The following FRMPD4 variants were observed in gnomAD, a reference collection of about 807,000 sequenced individuals.
The protein encoded by FRMPD4 is FERM and PDZ domain-containing protein 4.
In FRMPD4, 22 loss-of-function variants were observed where a neutral mutation model predicts 94.1. That is an observed-to-expected ratio of 0.23 (90% CI 0.17 to 0.33). The LOEUF is 0.33. Ranked by LOEUF, FRMPD4 falls within the 10% of genes least tolerant of loss-of-function variation. FRMPD4 has a pLI of 1.00. For missense variants in FRMPD4, 1,111 were observed against 1,339.9 expected, an observed-to-expected ratio of 0.83 and a Z score of 2.67; for synonymous variants, 631 against 548.6, an observed-to-expected ratio of 1.15 and a Z score of -2.10.
Position 12,720,984 on chromosome X carries a change from G to T in FRMPD4, c.4415G>T (p.Arg1472Met). The T allele has an allele frequency of 3.9e-6, 3 of 774,420 alleles. No homozygotes were observed. The highest frequency in any genetic ancestry group is 4.6e-6 in the Non-Finnish European group (3 of 650,488). The allele number at this position is 774,420 out of a possible 1,213,427, so 63.8% of individuals were successfully genotyped here. ...HLSSEGRFHK[R>M]SPVAHKDSKL... ...AGCTCTGAGGGGAGGTTTCACAAAA[G>T]GTCCCCAGTGGCTCATAAAGACTCA... The change falls in exon 17 of 17, where the codon AGG becomes ATG. Residue 1472 changes from arginine to methionine, a missense_variant. This residue lies in a region of FRMPD4 where 551 missense variants were observed against 591.6 expected (regional missense o/e 0.93). Transcript: ENST00000675598.
intron 3 of FRMPD4, among the ~76,000 whole-genome samples, chrX:11,983,774 G>C (rs1423286569): frequency 9.0e-6 from 1 of 111,039 alleles, no homozygotes; most frequent in Non-Finnish European, 1.9e-5. Flanking sequence ...AAAGTTCGTG[G>C]AATTAAAAGA....
intron 1 of FRMPD4, among the ~76,000 whole-genome samples, chrX:11,857,937 A>G (rs2053662796): frequency 8.9e-6 from 1 of 112,727 alleles, no homozygotes; most frequent in Admixed American, 9.4e-5. Flanking sequence ...CATGTAGCCA[A>G]CAATCATATG....
At chrX:12,129,247 A>G (rs1425845254) in intron 3 of FRMPD4, among the ~76,000 whole-genome samples, 5 of 111,967 alleles carry the variant, frequency 4.5e-5, no homozygotes, top group African/African-American at 1.6e-4. Context: ...ATTGACTTAC[A>G]ATTCTGCATG....
intron 1 of FRMPD4, among the ~76,000 whole-genome samples, chrX:12,344,241 G>C (rs1431607706): frequency 3.6e-5 from 4 of 111,698 alleles, no homozygotes; most frequent in Admixed American, 9.5e-5. Context: ...ATCAATGTAG[G>C]TCTTCGTTGA....
chrX:12,123,123 C>CTTTTTTTTTTTTTTTTTTT (rs58251577), intron 3 of FRMPD4, among the ~76,000 whole-genome samples: 1 of 84,332 alleles, frequency 1.2e-5, no homozygotes, highest in African/African-American at 4.4e-5. Context: ...ATTTTCTTTT[C>CTTTTTTTTTTTTTTTTTTT]TTTTTTTTTT....
chrX:12,390,810 A>G (rs763450593), intron 1 of FRMPD4, among the ~76,000 whole-genome samples: 6 of 111,864 alleles, frequency 5.4e-5, no homozygotes, highest in Non-Finnish European at 9.4e-5. Flanking sequence ...ATCCTCTCCT[A>G]ATTTTCTTTC....
At chrX:11,988,800 G>T (rs932306055) in intron 3 of FRMPD4, among the ~76,000 whole-genome samples, 1 of 111,941 alleles carries the variant, frequency 8.9e-6, no homozygotes, top group African/African-American at 3.2e-5. Context: ...CAAAAGATCT[G>T]AATAGACATT....
chrX:12,610,234 A>G (rs1481231681), intron 3 of FRMPD4, among the ~76,000 whole-genome samples: 1 of 112,360 alleles, frequency 8.9e-6, no homozygotes, highest in Non-Finnish European at 1.9e-5. Context: ...TGGTTACAGT[A>G]GGATTTAGTC....
At chrX:12,088,318 A>G (rs955693020) in intron 3 of FRMPD4, among the ~76,000 whole-genome samples, 1 of 110,970 alleles carries the variant, frequency 9.0e-6, no homozygotes, top group African/African-American at 3.3e-5. Flanking sequence ...GATCTCTGAG[A>G]CCTCTTTTAT....
intron 1 of FRMPD4, among the ~76,000 whole-genome samples, chrX:12,165,658 G>A (rs1448434040): frequency 5.4e-4 from 60 of 111,500 alleles, no homozygotes; most frequent in South Asian, 1.1e-3. Context: ...CCATTTTCAC[G>A]ATATTGATTC....
chrX:12,324,523 A>G (rs1048397098), intron 1 of FRMPD4, among the ~76,000 whole-genome samples: 3 of 112,314 alleles, frequency 2.7e-5, no homozygotes, highest in Non-Finnish European at 5.6e-5. Flanking sequence ...AATTTTTAAC[A>G]TTATTTTAAT....
Position 12,498,817 on chromosome X carries a change from G to T in FRMPD4, c.158+21G>T, listed in dbSNP as rs751725086. 7 of 824,066 alleles carry T rather than the reference G, an allele frequency of 8.5e-6. No homozygotes were observed. In the South Asian group the frequency reaches 1.6e-4, roughly 19 times the overall value. The allele number at this position is 824,066 out of a possible 1,213,427, so 67.9% of individuals were successfully genotyped here. On this transcript the variant is annotated intron_variant, in intron 2 of 16. Transcript: ENST00000675598. The stretch of plus-strand genomic sequence containing the variant: ...ATCAAGTAGGTTAAACAGATGGCAT[G>T]AACAATAGAATCCTTGGCCAATGGA...
chrX:12,387,019 G>T (rs2056405756), intron 1 of FRMPD4, among the ~76,000 whole-genome samples: 1 of 111,726 alleles, frequency 9.0e-6, no homozygotes. Context: ...ATAAAGAGAA[G>T]CTTTTTTAAA....
intron 4 of FRMPD4, among the ~76,000 whole-genome samples, chrX:12,626,764 C>T (rs1033425974): frequency 2.2e-4 from 23 of 105,518 alleles, no homozygotes; most frequent in African/African-American, 7.0e-4. Flanking sequence ...ATTGGCAAGA[C>T]TATTCAGAGC....
At chrX:12,446,633 G>A (rs1321756487) in intron 1 of FRMPD4, among the ~76,000 whole-genome samples, 1 of 111,580 alleles carries the variant, frequency 9.0e-6, no homozygotes, top group Non-Finnish European at 1.9e-5. Flanking sequence ...GTTTTATAAG[G>A]GGGAACGCCT....
At chrX:12,268,088 A>G (rs2054301097) in intron 1 of FRMPD4, among the ~76,000 whole-genome samples, 1 of 112,147 alleles carries the variant, frequency 8.9e-6, no homozygotes, top group Non-Finnish European at 1.9e-5. Flanking sequence ...TGATAGATCC[A>G]CCCTCCTCTA....
chrX:12,339,200 A>G (rs182717211), intron 1 of FRMPD4, among the ~76,000 whole-genome samples: 38 of 111,718 alleles, frequency 3.4e-4, no homozygotes, highest in African/African-American at 1.2e-3. Context: ...AATGTAGACA[A>G]ATTTAATTTA....
At chrX:11,837,475 A>C (rs1373952904) in intron 1 of FRMPD4, among the ~76,000 whole-genome samples, 1 of 111,652 alleles carries the variant, frequency 9.0e-6, no homozygotes, top group African/African-American at 3.3e-5. Context: ...GTGGTAAAAG[A>C]ATCATGCAAC....
At chrX:12,202,055 C>G (rs1282746778) in intron 1 of FRMPD4, among the ~76,000 whole-genome samples, 3 of 108,826 alleles carry the variant, frequency 2.8e-5, no homozygotes, top group Non-Finnish European at 5.7e-5. Flanking sequence ...TTTCTTACAT[C>G]TTGCCAAACT....
Sources: gnomAD v4.1 joint callset for allele counts (sites outside exome capture counted in the v4.1 genomes callset) on GRCh38, gnomAD v4.1.1 for gene constraint, gnomAD v4.1.1 regional missense constraint, MANE v1.5 for transcripts, NCBI Gene and HGNC (gene_info 2026-07-23, HGNC 2026-07-21) for gene names.